PRKCB: variants seen among roughly 807,000 people sequenced by gnomAD.
PRKCB encodes the protein protein kinase C beta, also known as protein kinase C beta type.
PRKCB carries 13 observed loss-of-function variants against 81.5 expected under a neutral mutation model. That is an observed-to-expected ratio of 0.16 (90% CI 0.10 to 0.25). The LOEUF (loss-of-function observed/expected upper bound fraction) is 0.25. PRKCB is among the 10% of genes least tolerant of loss of function. The pLI, the probability that PRKCB is intolerant of heterozygous loss-of-function variation, is 1.00. For missense variants in PRKCB, 509 were observed against 875.7 expected (o/e 0.58, Z 5.29); for synonymous variants, 335 against 321.4 (o/e 1.04, Z -0.45).
At chr16:23,925,357 C>G (rs2141750255) in intron 2 of PRKCB, among the ~76,000 whole-genome samples, 2 of 152,194 alleles carry the variant, frequency 1.3e-5, no homozygotes, top group South Asian at 4.1e-4. Context: ...CATTGGGGCT[C>G]TTTCAGACCT....
chr16:24,147,051 G>T (rs540438175), intron 9 of PRKCB, among the ~76,000 whole-genome samples: 1 of 152,172 alleles, frequency 6.6e-6, no homozygotes, highest in Non-Finnish European at 1.5e-5. Context: ...GCTCATGCCT[G>T]TAATCCCAGC....
At chr16:23,942,363 G>A (rs537988442) in intron 2 of PRKCB, among the ~76,000 whole-genome samples, 5 of 152,234 alleles carry the variant, frequency 3.3e-5, no homozygotes, top group Admixed American at 6.5e-5. Flanking sequence ...AAGTGATAGA[G>A]CGTGGGCATA....
intron 2 of PRKCB, among the ~76,000 whole-genome samples, chr16:23,957,662 C>T (rs1964368153): frequency 6.6e-6 from 1 of 151,856 alleles, no homozygotes; most frequent in Admixed American, 6.6e-5. Flanking sequence ...CCACCCCTCA[C>T]CTTAGTATTT....
intron 5 of PRKCB, among the ~76,000 whole-genome samples, chr16:24,042,013 A>G (rs371764742): frequency 4.6e-5 from 7 of 151,472 alleles, no homozygotes; most frequent in East Asian, 3.9e-4. Context: ...AATTGGGAAG[A>G]AAAAGGGCAA....
chr16:24,176,991 A>T (rs140522047), intron 12 of PRKCB, among the ~76,000 whole-genome samples: 59 of 152,270 alleles, frequency 3.9e-4, no homozygotes, highest in African/African-American at 1.4e-3. Flanking sequence ...AGAGACAGGC[A>T]TCATGGGTGA....
chr16:24,051,611 A>C (rs888061613), intron 5 of PRKCB, among the ~76,000 whole-genome samples: 2 of 152,206 alleles, frequency 1.3e-5, no homozygotes, highest in African/African-American at 4.8e-5. Context: ...GCAGTGGCTC[A>C]TGCCTGTAAT....
intron 2 of PRKCB, among the ~76,000 whole-genome samples, chr16:23,845,884 A>C (rs1351881305): frequency 2.6e-5 from 4 of 152,238 alleles, no homozygotes; most frequent in Non-Finnish European, 2.9e-5. Context: ...AGACAATTTC[A>C]GAGGTGGAGG....
chr16:24,081,542 A>G (rs1277179205), intron 5 of PRKCB, among the ~76,000 whole-genome samples: 9 of 152,180 alleles, frequency 5.9e-5, no homozygotes, highest in African/African-American at 2.2e-4. Context: ...ATTCAACATC[A>G]TGTCATAACC....
intron 11 of PRKCB, among the ~76,000 whole-genome samples, chr16:24,173,487 C>T (rs1967478501): frequency 6.6e-6 from 1 of 152,192 alleles, no homozygotes; most frequent in Non-Finnish European, 1.5e-5. Flanking sequence ...AGGTTGTGAG[C>T]ACTATGTTCT....
chr16:23,912,956 CT>C (rs1435287570), intron 2 of PRKCB, among the ~76,000 whole-genome samples: 2 of 152,114 alleles, frequency 1.3e-5, no homozygotes, highest in Admixed American at 6.6e-5. Context: ...TCCCAAGTAG[CT>C]GGGACTACAG....
At chr16:24,051,689 C>T (rs896884162) in intron 5 of PRKCB, among the ~76,000 whole-genome samples, 4 of 151,720 alleles carry the variant, frequency 2.6e-5, no homozygotes, top group African/African-American at 9.7e-5. Context: ...GTCTGGGCAA[C>T]ATAGTGAGAC....
chr16:24,163,752 TGGA>T (rs2141960064), intron 10 of PRKCB, among the ~76,000 whole-genome samples: 1 of 152,366 alleles, frequency 6.6e-6, no homozygotes, highest in South Asian at 2.1e-4. Flanking sequence ...TGAGTTTGCA[TGGA>T]CTTGACATGC....
Position 24,005,711 on chromosome 16 carries a change from C to T in PRKCB, c.288+17121C>T, listed in dbSNP as rs180695991. Among the ~76,000 whole-genome samples the T allele has an allele frequency of 3.2e-4, 48 of 152,300 alleles. No homozygotes were observed. In the East Asian group the frequency reaches 8.7e-3, roughly 28 times the overall value. On this transcript the variant is annotated intron_variant, in intron 3 of 16. Coordinates refer to ENST00000643927, the MANE Select transcript of PRKCB (RefSeq NM_002738.7). ...GGGAATCTTGGCTCTGCCAACAAGG[C>T]CCTGTCCATTTCCTGCCTCAGTGTG...
intron 2 of PRKCB, among the ~76,000 whole-genome samples, chr16:23,926,042 A>C (rs1567315861): frequency 6.6e-6 from 1 of 151,890 alleles, no homozygotes; most frequent in Non-Finnish European, 1.5e-5. Flanking sequence ...TGGGAGGCTG[A>C]CGAAGGAAGA....
intron 3 of PRKCB, among the ~76,000 whole-genome samples, chr16:23,994,854 A>G (rs1371516071): frequency 1.3e-5 from 2 of 152,234 alleles, no homozygotes; most frequent in African/African-American, 2.4e-5. Context: ...CTTCAGGGGT[A>G]TATCAACTCT....
intron 13 of PRKCB, among the ~76,000 whole-genome samples, chr16:24,181,823 AT>A (rs1967630984): frequency 6.7e-6 from 1 of 150,132 alleles, no homozygotes; most frequent in Non-Finnish European, 1.5e-5. Context: ...CTATGATACT[AT>A]TTATGGATGA....
intron 2 of PRKCB, among the ~76,000 whole-genome samples, chr16:23,900,749 T>TTTTTG (rs1963459084): frequency 8.8e-6 from 1 of 114,074 alleles, no homozygotes; most frequent in Admixed American, 8.9e-5. Flanking sequence ...TTTTTTTTTT[T>TTTTTG]TGTGGCTGTC....
intron 2 of PRKCB, among the ~76,000 whole-genome samples, chr16:23,844,856 C>A (rs186093566): frequency 6.6e-6 from 1 of 151,056 alleles, no homozygotes; most frequent in Admixed American, 6.6e-5. Context: ...GGCTGGAGTG[C>A]AGTAGTACGA....
At chr16:23,933,759 A>G (rs1964012473) in intron 2 of PRKCB, among the ~76,000 whole-genome samples, 1 of 131,410 alleles carries the variant, frequency 7.6e-6, no homozygotes, top group African/African-American at 3.0e-5. Context: ...CCATCTATCC[A>G]TCTATCCACT....
Sources: gnomAD v4.1 joint callset for allele counts (sites outside exome capture counted in the v4.1 genomes callset) on GRCh38, gnomAD v4.1.1 for gene constraint, MANE v1.5 for transcripts, NCBI Gene and HGNC (gene_info 2026-07-23, HGNC 2026-07-21) for gene names.